FAM222B: variants seen among roughly 807,000 people sequenced by gnomAD.
The protein encoded by FAM222B is protein FAM222B.
In FAM222B, 12 loss-of-function variants were observed where a neutral mutation model predicts 38.0. The observed-to-expected ratio is 0.32, with a 90% confidence interval of 0.20 to 0.51. The LOEUF is 0.51. Among genes scored for constraint, FAM222B ranks in the 20% least tolerant of loss-of-function variants. The pLI is 0.97. For synonymous variants in FAM222B, 329 were observed against 317.2 expected, an observed-to-expected ratio of 1.04 and a Z score of -0.40; for missense variants, 716 against 754.2, an observed-to-expected ratio of 0.95 and a Z score of 0.59.
At position 28,833,951 on chromosome 17, in the gene FAM222B, C is replaced by T. The variant is rs1176657504; in HGVS notation, c.-41+8731G>A. Among the ~76,000 whole-genome samples the T allele has an allele frequency of 4.6e-5, 7 of 152,142 alleles. No homozygotes were observed. The East Asian group carries it at 1.3e-3, about 29-fold the overall frequency. Reference sequence around the variant, plus strand: ...AAACTTATTTCCTTCAAATGTAATACCCTCTTTTACTCTTGTATTCCGTAA... The same window carrying T: ...AAACTTATTTCCTTCAAATGTAATATCCTCTTTTACTCTTGTATTCCGTAA... On this transcript the variant is annotated intron_variant, in intron 1 of 2. Coordinates refer to ENST00000581407, the MANE Select transcript of FAM222B (RefSeq NM_001077498.3).
At chr17:28,778,744 T>G (rs1211148581) in intron 1 of FAM222B, among the ~76,000 whole-genome samples, 6 of 92,656 alleles carry the variant, frequency 6.5e-5, no homozygotes, top group African/African-American at 2.1e-4. Flanking sequence ...TTTTTTTTTT[T>G]GGTAGAAGTG....
chr17:28,775,606 G>A (rs922787655), intron 1 of FAM222B, among the ~76,000 whole-genome samples: 9 of 151,986 alleles, frequency 5.9e-5, no homozygotes, highest in South Asian at 4.1e-4. Flanking sequence ...GAGGTCATGC[G>A]TGGTGGCTCA....
rs34984874 is a variant in FAM222B, at chr17:28,757,376, A to ATT, written c.*892_*893dup. 1,178 of 144,968 alleles carry ATT rather than the reference A, an allele frequency of 8.1e-3. 6 individuals carry two copies. Among genetic ancestry groups the ATT allele is most frequent in the South Asian group, 0.017 (76 of 4,588 alleles). The allele number at this position is 144,968 out of a possible 1,614,324, so 9.0% of individuals were successfully genotyped here. On this transcript the variant is annotated 3_prime_UTR_variant, in exon 3 of 3. Coordinates refer to ENST00000581407, the MANE Select transcript of FAM222B (RefSeq NM_001077498.3). ...AGCCAGTGTAGAGAGAACCAAATGC[A>ATT]TTTTTTTTTTTTTGGTGTTTTTAAT...
chr17:28,781,907 A>G (rs1282830847), intron 1 of FAM222B, among the ~76,000 whole-genome samples: 1 of 152,190 alleles, frequency 6.6e-6, no homozygotes, highest in African/African-American at 2.4e-5. Flanking sequence ...GCTAAGCAAG[A>G]GAAACAAGTT....
At chr17:28,820,255 G>A (rs555140207) in intron 1 of FAM222B, among the ~76,000 whole-genome samples, 2 of 152,138 alleles carry the variant, frequency 1.3e-5, no homozygotes, top group Non-Finnish European at 2.9e-5. Flanking sequence ...TTAAAAGGCT[G>A]AGAAAAATTT....
intron 1 of FAM222B, among the ~76,000 whole-genome samples, chr17:28,825,811 T>TA (rs2038420372): frequency 6.6e-6 from 1 of 152,232 alleles, no homozygotes; most frequent in South Asian, 2.1e-4. Context: ...AGTCTCGCTC[T>TA]GTCTCGCAGG....
At chr17:28,821,885 C>G (rs1179717918) in intron 1 of FAM222B, among the ~76,000 whole-genome samples, 2 of 151,984 alleles carry the variant, frequency 1.3e-5, no homozygotes, top group African/African-American at 4.8e-5. Context: ...TCGCTTCAAC[C>G]TGGGGCTGGG....
chr17:28,843,468 A>G (rs1164297523), upstream of FAM222B, among the ~76,000 whole-genome samples: 1 of 84,150 alleles, frequency 1.2e-5, no homozygotes, highest in Non-Finnish European at 2.2e-5. Context: ...TTTTTTTGAG[A>G]CGGAGTTTTG....
chr17:28,834,825 A>C (rs1286473271), intron 1 of FAM222B: 1 of 150,790 alleles, frequency 6.6e-6, no homozygotes, highest in Non-Finnish European at 1.5e-5. Flanking sequence ...AGCCTTAAAA[A>C]AAAAGAAAAA....
At chr17:28,830,222 C>T (rs1323043461) in intron 1 of FAM222B, among the ~76,000 whole-genome samples, 1 of 145,498 alleles carries the variant, frequency 6.9e-6, no homozygotes, top group African/African-American at 2.6e-5. Flanking sequence ...AGTGCAGTGG[C>T]GCGATCTTGG....
At position 28,799,351 on chromosome 17, in the gene FAM222B, G is replaced by T. The variant is rs568351492; in HGVS notation, c.-40-32644C>A. On this transcript the variant is annotated intron_variant, in intron 1 of 2. Transcript: ENST00000581407. ...CTCGGTCTGTCGCCCAAGCTGGAGT[G>T]CAGTGGTGCGATCTCAACTCACTGC... Among the ~76,000 whole-genome samples the T allele has an allele frequency of 5.6e-5, 8 of 143,904 alleles. No individual in the cohort carries two copies. The East Asian group carries it at 8.2e-4, about 15-fold the overall frequency. The allele number at this position is 143,904 out of a possible 152,430, so 94.4% of individuals were successfully genotyped here. A position where few individuals can be genotyped will look rare whatever the true frequency, so the allele number is the denominator to read the frequency against.
intron 1 of FAM222B, among the ~76,000 whole-genome samples, chr17:28,800,213 C>G (rs2037155091): frequency 6.6e-6 from 1 of 151,782 alleles, no homozygotes; most frequent in Non-Finnish European, 1.5e-5. Context: ...GTATTTTTCA[C>G]AGACGGGGTT....
chr17:28,775,697 A>G (rs1332948528), intron 1 of FAM222B, among the ~76,000 whole-genome samples: 3 of 151,828 alleles, frequency 2.0e-5, no homozygotes, highest in Non-Finnish European at 4.4e-5. Context: ...CCTGGCCAAC[A>G]TGGTGAAGCT....
chr17:28,812,056 T>C (rs2037794367), intron 1 of FAM222B: 1 of 152,164 alleles, frequency 6.6e-6, no homozygotes, highest in East Asian at 1.9e-4. Context: ...AGGGGTGAGA[T>C]GAAGGGAAGG....
chr17:28,812,749 C>T (rs756275077), intron 1 of FAM222B, among the ~76,000 whole-genome samples: 13 of 151,962 alleles, frequency 8.6e-5, no homozygotes, highest in Non-Finnish European at 1.9e-4. Flanking sequence ...CCCCTTCTCC[C>T]TCTGTCCCCT....
chr17:28,814,655 C>T (rs1375469151), intron 1 of FAM222B, among the ~76,000 whole-genome samples: 2 of 151,932 alleles, frequency 1.3e-5, no homozygotes, highest in Non-Finnish European at 1.5e-5. Flanking sequence ...TTACTCGAGA[C>T]GGGGTTTCGC....
intron 1 of FAM222B, among the ~76,000 whole-genome samples, chr17:28,837,868 G>A (rs755035643): frequency 1.2e-4 from 18 of 152,172 alleles, no homozygotes; most frequent in Non-Finnish European, 1.8e-4. Context: ...TGCCAGGCTG[G>A]TCTTGAATTC....
At chr17:28,803,475 T>G (rs2037333020) in intron 1 of FAM222B, among the ~76,000 whole-genome samples, 1 of 151,832 alleles carries the variant, frequency 6.6e-6, no homozygotes, top group East Asian at 1.9e-4. Flanking sequence ...CCACCTAATT[T>G]TTTTATAGAG....
At position 28,825,059 on chromosome 17, in the gene FAM222B, C is replaced by T. The variant is rs932041267; in HGVS notation, c.-41+17623G>A. Among the ~76,000 whole-genome samples, 6 of 152,038 alleles carry T rather than the reference C, an allele frequency of 3.9e-5. No individual in the cohort carries two copies. The East Asian group carries it at 9.7e-4, about 25-fold the overall frequency. On this transcript the variant is annotated intron_variant, in intron 1 of 2. Transcript: ENST00000581407. ...GATTACAGGCGTGAACCACTGTGCCCGCACTACAATCCATTTCTAACATAG... is the reference window on the plus strand; with the variant it reads ...GATTACAGGCGTGAACCACTGTGCCTGCACTACAATCCATTTCTAACATAG...
Sources: allele counts gnomAD v4.1 joint callset (sites outside exome capture counted in the v4.1 genomes callset), GRCh38; gene constraint gnomAD v4.1.1; transcripts MANE v1.5; gene names NCBI Gene and HGNC (gene_info 2026-07-23, HGNC 2026-07-21).